The following CDH18 variants were observed in gnomAD, a reference collection of about 807,000 sequenced individuals.
CDH18 encodes cadherin 18.
Under a neutral mutation model 67.9 loss-of-function variants are expected in CDH18, and 31 were observed. The ratio of observed to expected loss-of-function variants is 0.46; its 90% CI spans 0.34 to 0.62. CDH18 has a LOEUF of 0.62. Among genes scored for constraint, CDH18 ranks in the 20% least tolerant of loss-of-function variants. CDH18 has a pLI of 0.01. For synonymous variants in CDH18, 362 were observed against 347.2 expected, an observed-to-expected ratio of 1.04 and a Z score of -0.48; for missense variants, 890 against 975.5, an observed-to-expected ratio of 0.91 and a Z score of 1.17.
At chr5:20,040,976 T>C (rs1266791367) in intron 2 of CDH18, among the ~76,000 whole-genome samples, 3 of 152,192 alleles carry the variant, frequency 2.0e-5, no homozygotes, top group South Asian at 2.1e-4. Context: ...TGAGCTAGTT[T>C]TATATACTGA....
chr5:20,323,089 T>A (rs1738193654), intron 1 of CDH18, among the ~76,000 whole-genome samples: 1 of 152,126 alleles, frequency 6.6e-6, no homozygotes, highest in Admixed American at 6.5e-5. Context: ...TTCTTAAAGA[T>A]AATTCACACG....
At chr5:19,509,003 G>C (rs1744691980) in intron 10 of CDH18, among the ~76,000 whole-genome samples, 1 of 151,680 alleles carries the variant, frequency 6.6e-6, no homozygotes, top group Admixed American at 6.6e-5. Flanking sequence ...CCACCGAGTA[G>C]TTGGGATTAC....
chr5:19,572,865 T>A (rs1010380947), intron 7 of CDH18, among the ~76,000 whole-genome samples: 4 of 152,142 alleles, frequency 2.6e-5, no homozygotes, highest in Non-Finnish European at 5.9e-5. Flanking sequence ...CTTATCAGGA[T>A]CCTGTAAACA....
At chr5:20,337,037 C>T (rs1739839411) in intron 1 of CDH18, among the ~76,000 whole-genome samples, 1 of 152,186 alleles carries the variant, frequency 6.6e-6, no homozygotes, top group Non-Finnish European at 1.5e-5. Flanking sequence ...AGAAGACTTC[C>T]TGGCTTCTGC....
chr5:20,347,599 C>T (rs1740806113), intron 1 of CDH18, among the ~76,000 whole-genome samples: 2 of 152,218 alleles, frequency 1.3e-5, no homozygotes, highest in African/African-American at 2.4e-5. Context: ...CAGGGTGCTG[C>T]TCACAGGGAC....
intron 2 of CDH18, among the ~76,000 whole-genome samples, chr5:20,201,064 C>T (rs1739407939): frequency 6.6e-6 from 1 of 151,958 alleles, no homozygotes; most frequent in South Asian, 2.1e-4. Context: ...GTTCTGGAAT[C>T]CAGAACTGTG....
chr5:19,632,765 A>G (rs1752589775), intron 5 of CDH18, among the ~76,000 whole-genome samples: 1 of 152,196 alleles, frequency 6.6e-6, no homozygotes, highest in African/African-American at 2.4e-5. Flanking sequence ...AGAACACTTA[A>G]AAGCTTACTC....
chr5:19,593,538 C>T (rs954127191), intron 6 of CDH18, among the ~76,000 whole-genome samples: 5 of 151,366 alleles, frequency 3.3e-5, no homozygotes, highest in Admixed American at 6.6e-5. Flanking sequence ...TTCCTTCCTT[C>T]TTCTCCTTCT....
At chr5:20,370,831 G>T (rs13169184) in intron 1 of CDH18, among the ~76,000 whole-genome samples, 66,138 of 151,820 alleles carry the variant, frequency 0.44, 16,761 homozygotes, top group Middle Eastern at 0.66. Context: ...GAGGTCAGGA[G>T]TTCGAGACTA....
chr5:20,391,674 A>T (rs1461451647), intron 1 of CDH18, among the ~76,000 whole-genome samples: 1 of 152,048 alleles, frequency 6.6e-6, no homozygotes, highest in African/African-American at 2.4e-5. Flanking sequence ...TTGCAGACAA[A>T]CAAATTTAAA....
intron 1 of CDH18, among the ~76,000 whole-genome samples, chr5:20,543,022 T>C (rs1195406027): frequency 7.2e-5 from 11 of 152,024 alleles, no homozygotes; most frequent in African/African-American, 2.4e-4. Context: ...CATGGCTAAA[T>C]AAGGCATGAA....
chr5:20,324,210 C>T (rs559423398), intron 1 of CDH18, among the ~76,000 whole-genome samples: 1 of 152,268 alleles, frequency 6.6e-6, no homozygotes, highest in African/African-American at 2.4e-5. Context: ...AGAATACAGA[C>T]TCTAATTATC....
At chr5:19,920,214 A>G (rs533468090) in intron 2 of CDH18, among the ~76,000 whole-genome samples, 1 of 152,334 alleles carries the variant, frequency 6.6e-6, no homozygotes, top group South Asian at 2.1e-4. Flanking sequence ...AGAAAATCCT[A>G]TTTTGACTTT....
At chr5:19,832,517 C>G (rs62355795) in intron 3 of CDH18, among the ~76,000 whole-genome samples, 1 of 151,866 alleles carries the variant, frequency 6.6e-6, no homozygotes, top group Non-Finnish European at 1.5e-5. Flanking sequence ...TCCCTTCTCA[C>G]GTTTACAGTG....
intron 1 of CDH18, among the ~76,000 whole-genome samples, chr5:20,353,359 A>G (rs1741359797): frequency 6.6e-6 from 1 of 152,216 alleles, no homozygotes; most frequent in African/African-American, 2.4e-5. Flanking sequence ...ATGACCACAT[A>G]TTATAAATTA....
intron 2 of CDH18, among the ~76,000 whole-genome samples, chr5:19,973,279 A>C (rs1798197402): frequency 6.6e-6 from 1 of 152,138 alleles, no homozygotes. Flanking sequence ...TAAAAAGGTT[A>C]TATCTGGGGA....
At chr5:19,727,293 G>C (rs1766963437) in intron 4 of CDH18, among the ~76,000 whole-genome samples, 1 of 152,172 alleles carries the variant, frequency 6.6e-6, no homozygotes, top group Admixed American at 6.5e-5. Context: ...AGAAGATCAT[G>C]CCAGAGTAGT....
At chr5:20,299,893 C>T (rs1747831113) in intron 1 of CDH18, among the ~76,000 whole-genome samples, 1 of 151,704 alleles carries the variant, frequency 6.6e-6, no homozygotes, top group Non-Finnish European at 1.5e-5. Flanking sequence ...TATTTTAGAT[C>T]AAATATATTG....
intron 2 of CDH18, among the ~76,000 whole-genome samples, chr5:20,030,338 A>G (rs924506478): frequency 4.6e-5 from 7 of 152,348 alleles, no homozygotes; most frequent in Non-Finnish European, 8.8e-5. Flanking sequence ...GGCTATGTTC[A>G]TAGAAACACA....
Sources: allele counts gnomAD v4.1 joint callset (sites outside exome capture counted in the v4.1 genomes callset), GRCh38; gene constraint gnomAD v4.1.1; transcripts MANE v1.5; gene names NCBI Gene and HGNC (gene_info 2026-07-23, HGNC 2026-07-21).